PLEKHG1: variants seen among roughly 807,000 people sequenced by gnomAD.
The protein encoded by PLEKHG1 is pleckstrin homology domain-containing family G member 1.
PLEKHG1 carries 44 observed loss-of-function variants against 100.8 expected under a neutral mutation model. The observed-to-expected ratio is 0.44, with a 90% CI of 0.34 to 0.56. The LOEUF (loss-of-function observed/expected upper bound fraction) is 0.56. Ranked by LOEUF, PLEKHG1 falls within the 20% of genes least tolerant of loss-of-function variation. The pLI is 0.01. For synonymous variants in PLEKHG1, 640 were observed against 662.5 expected (o/e 0.97, Z 0.52); for missense variants, 1,545 against 1,720.9 (o/e 0.90, Z 1.81).
intron 1 of PLEKHG1, among the ~76,000 whole-genome samples, chr6:150,629,013 A>G (rs1777630072): frequency 6.6e-6 from 1 of 152,214 alleles, no homozygotes; most frequent in Non-Finnish European, 1.5e-5. Flanking sequence ...CTGGAAGACT[A>G]GACCTCCATT....
intron 2 of PLEKHG1, among the ~76,000 whole-genome samples, chr6:150,740,212 C>T (rs1782776577): frequency 1.3e-5 from 2 of 152,194 alleles, no homozygotes; most frequent in Admixed American, 6.5e-5. Flanking sequence ...GGGCACCCCT[C>T]CCTTGAGGAC....
intron 5 of PLEKHG1, among the ~76,000 whole-genome samples, chr6:150,797,135 C>T (rs2006958): frequency 0.39 from 59,344 of 151,708 alleles, 12,783 homozygotes; most frequent in Non-Finnish European, 0.47. Context: ...AATTACACCG[C>T]ACCCCACCAG....
intron 1 of PLEKHG1, among the ~76,000 whole-genome samples, chr6:150,722,219 T>G (rs1781719132): frequency 6.6e-6 from 1 of 152,160 alleles, no homozygotes; most frequent in African/African-American, 2.4e-5. Context: ...TTTTCTATAC[T>G]TTTAAAGATT....
intron 3 of PLEKHG1, among the ~76,000 whole-genome samples, chr6:150,688,926 A>G (rs1393454627): frequency 2.0e-5 from 3 of 152,234 alleles, no homozygotes; most frequent in Non-Finnish European, 4.4e-5. Context: ...TAAATGTGCA[A>G]TTCAGTGGCA....
chr6:150,827,913 GC>G lies in PLEKHG1; in HGVS notation c.1471-2668del, dbSNP rs1005083419. The stretch of plus-strand genomic sequence containing the variant: ...ACAGCAGAGACTGGCTGAGTGGAAA[GC>G]AACTAAACTGAAGAATAAATCTGGA... On this transcript the variant is annotated intron_variant, in intron 14 of 15. Coordinates refer to ENST00000358517, the Ensembl canonical transcript of PLEKHG1. 163 of 1,581,754 alleles carry G rather than the reference GC, an allele frequency of 1.0e-4. 1 individual carries two copies. Among genetic ancestry groups the G allele is most frequent in the Middle Eastern group, 2.2e-4 (1 of 4,560 alleles).
intron 7 of PLEKHG1, among the ~76,000 whole-genome samples, chr6:150,806,829 C>CAAA (rs3072754): frequency 4.4e-5 from 4 of 90,184 alleles, no homozygotes; most frequent in Non-Finnish European, 4.5e-5. Context: ...GACTCCATCT[C>CAAA]AAAAAAAAAA....
chr6:150,843,400 A>G (rs201643553), exon 16 of PLEKHG1: 1 of 142,234 alleles, frequency 7.0e-6, no homozygotes, highest in South Asian at 2.3e-4. Context: ...AAAGTTATCA[A>G]TTGCTTTTGT....
intron 1 of PLEKHG1, among the ~76,000 whole-genome samples, chr6:150,637,353 A>C (rs1360397518): frequency 2.0e-5 from 3 of 150,578 alleles, no homozygotes; most frequent in East Asian, 3.9e-4. Context: ...GGTTATATTT[A>C]GCTTTTACTG....
chr6:150,601,430 G>A (rs1042849216), intron 1 of PLEKHG1, among the ~76,000 whole-genome samples: 1 of 152,008 alleles, frequency 6.6e-6, no homozygotes, highest in Non-Finnish European at 1.5e-5. Context: ...TAGCTTCTAC[G>A]GCCTCCTGCT....
At chr6:150,837,663 G>T (rs556323813) in intron 15 of PLEKHG1, among the ~76,000 whole-genome samples, 1 of 152,354 alleles carries the variant, frequency 6.6e-6, no homozygotes, top group East Asian at 1.9e-4. Context: ...GGCTTGAGCA[G>T]ACCATCTGCC....
intron 4 of PLEKHG1, among the ~76,000 whole-genome samples, chr6:150,790,115 G>C (rs757667326): frequency 1.3e-5 from 2 of 152,150 alleles, no homozygotes; most frequent in African/African-American, 4.8e-5. Context: ...CCGCCTCCCA[G>C]GTTCAAGCAA....
rs540787917 is a variant in PLEKHG1 at position 150,770,125 on chromosome 6, A to C, written c.512+1387A>C. ...GGCACAGAGGAAGTACCAAAATATA[A>C]GCCTACGATGCTCTTGATTTTGCGA... On this transcript the variant is annotated intron_variant, in intron 3 of 15. Coordinates refer to ENST00000358517, the Ensembl canonical transcript of PLEKHG1. Among the ~76,000 whole-genome samples, 5 of 152,312 alleles carry C rather than the reference A, an allele frequency of 3.3e-5. No individual in the cohort carries two copies. In the South Asian group the frequency reaches 1.0e-3, roughly 32 times the overall value.
At chr6:150,715,458 CTT>C (rs1176767127) in intron 3 of PLEKHG1, among the ~76,000 whole-genome samples, 2 of 150,298 alleles carry the variant, frequency 1.3e-5, no homozygotes, top group African/African-American at 4.9e-5. Context: ...GTGCAATTGA[CTT>C]TAACGTTCAT....
upstream of PLEKHG1, among the ~76,000 whole-genome samples, chr6:150,716,494 G>A (rs1007030606): frequency 3.3e-5 from 5 of 152,246 alleles, no homozygotes; most frequent in South Asian, 2.1e-4. Flanking sequence ...TTGCCCATCC[G>A]TCTTCCTGTC....
chr6:150,626,287 T>A (rs1227188004), intron 1 of PLEKHG1, among the ~76,000 whole-genome samples: 2 of 152,128 alleles, frequency 1.3e-5, no homozygotes, highest in African/African-American at 2.4e-5. Context: ...CACTGTAGAT[T>A]TGCCTAAAGA....
At chr6:150,755,166 A>G (rs1583062078) in intron 2 of PLEKHG1, among the ~76,000 whole-genome samples, 1 of 151,508 alleles carries the variant, frequency 6.6e-6, no homozygotes, top group African/African-American at 2.4e-5. Flanking sequence ...TTGTGGAGAC[A>G]GGTCTCACTT....
chr6:150,840,623 T>C (rs1426755059), exon 16 of PLEKHG1: 1 of 1,614,244 alleles, frequency 6.2e-7, no homozygotes, highest in Non-Finnish European at 8.5e-7. Context: ...TGGAGCTATC[T>C]CACAATCGTA....
chr6:150,725,336 A>C (rs1781908825), intron 1 of PLEKHG1, among the ~76,000 whole-genome samples: 1 of 152,168 alleles, frequency 6.6e-6, no homozygotes, highest in African/African-American at 2.4e-5. Flanking sequence ...TCAACATATG[A>C]ATTTTGAGAA....
intron 14 of PLEKHG1, chr6:150,827,647 C>A: frequency 1.2e-6 from 1 of 834,116 alleles, no homozygotes; most frequent in Non-Finnish European, 2.1e-6. Context: ...GCTTGAGCAA[C>A]TGAACTGGAA....
Sources: gnomAD v4.1 joint callset for allele counts (sites outside exome capture counted in the v4.1 genomes callset) on GRCh38, gnomAD v4.1.1 for gene constraint, MANE v1.5 for transcripts, NCBI Gene and HGNC (gene_info 2026-07-23, HGNC 2026-07-21) for gene names.